The following CST7 variants were observed in gnomAD, a reference collection of about 807,000 sequenced individuals.
The protein encoded by CST7 is cystatin F, also known as cystatin-F.
Under a neutral mutation model 13.1 loss-of-function variants are expected in CST7, and 15 were observed. The ratio of observed to expected loss-of-function variants is 1.14; its 90% confidence interval spans 0.77 to 1.76. The LOEUF (loss-of-function observed/expected upper bound fraction) is 1.76, where lower values mean the gene tolerates loss of function less well. Among genes scored for constraint, CST7 ranks in the 40% most tolerant of loss-of-function variants. The probability of loss-of-function intolerance (pLI) is 0.00; values close to 1 mark genes in which losing one functional copy is unlikely to be tolerated. For missense variants in CST7, 193 were observed against 178.8 expected, an observed-to-expected ratio of 1.08 and a Z score of -0.45; for synonymous variants, 75 against 66.9, an observed-to-expected ratio of 1.12 and a Z score of -0.59.
chr20:24,959,124 A>G, intron 3 of CST7, 80 bp downstream of exon 3: 8 of 1,158,000 alleles, frequency 6.9e-6, no homozygotes, highest in Non-Finnish European at 9.0e-6. Context: ...AAACACCGTC[A>G]CCACGTCTCT....
intron 1 of CST7, among the ~76,000 whole-genome samples, chr20:24,954,123 C>T (rs191914502): frequency 8.3e-4 from 127 of 152,322 alleles, no homozygotes; most frequent in Middle Eastern, 3.4e-3. Context: ...TAGAGTCCAC[C>T]CTGCATCTCC....
rs113415403 is a variant in CST7 at position 24,953,065 on chromosome 20, A to G, written c.70+3490A>G. Among the ~76,000 whole-genome samples, 932 of 152,300 alleles carry G rather than the reference A, an allele frequency of 6.1e-3. 15 individuals carry two copies. The highest frequency in any genetic ancestry group is 0.022 in the African/African-American group (908 of 41,576). On this transcript the variant is annotated intron_variant, in intron 1 of 3. Coordinates refer to ENST00000480798, the MANE Select transcript of CST7 (RefSeq NM_003650.4). ...AGGGCATGCCCAGCAGCTGTCAGAA[A>G]CTGCAGCTCCCTGCTGCCTTGGGCA...
rs1305479462 is a variant in CST7 at position 24,957,450 on chromosome 20, C to G, written c.234C>G (p.Ala78=). ...FLFKESRITR[A]LVQIVKGLKY... is the part of the protein sequence containing the mutation. ...TCAAGGAGTCCCGCATCACAAGGGCCCTAGTTCAGGTAACGGTCTGGGTTC... is the reference window on the plus strand; with the variant it reads ...TCAAGGAGTCCCGCATCACAAGGGCGCTAGTTCAGGTAACGGTCTGGGTTC... Residue 78 remains alanine, a synonymous_variant, in exon 2 of 4, where the codon GCC becomes GCG. Transcript: ENST00000480798. The G allele has an allele frequency of 1.5e-5, 24 of 1,613,298 alleles. No homozygotes were observed. Among genetic ancestry groups the G allele is most frequent in the Non-Finnish European group, 1.9e-5 (23 of 1,179,610 alleles).
chr20:24,952,376 T>C (rs1222047135), intron 1 of CST7, among the ~76,000 whole-genome samples: 1 of 152,174 alleles, frequency 6.6e-6, no homozygotes, highest in African/African-American at 2.4e-5. Context: ...GGGACTGATC[T>C]GGTAGAGCTC....
intron 2 of CST7, 21 bp downstream of exon 2, chr20:24,957,480 C>T: frequency 6.2e-7 from 1 of 1,610,372 alleles, no homozygotes; most frequent in South Asian, 1.1e-5. Context: ...GGGTTCTGGT[C>T]ACATATCACG....
chr20:24,951,314 G>A (rs1307444282), intron 1 of CST7, among the ~76,000 whole-genome samples: 2 of 152,222 alleles, frequency 1.3e-5, no homozygotes, highest in Non-Finnish European at 2.9e-5. Flanking sequence ...GGAAGGCACA[G>A]GCATGGAGGC....
At position 24,958,518 on chromosome 20, in the gene CST7, C is replaced by A. The variant is rs543242090; in HGVS notation, c.244-410C>A. Among the ~76,000 whole-genome samples the A allele has an allele frequency of 2.6e-5, 4 of 152,306 alleles. No homozygotes were observed. In the East Asian group the frequency reaches 7.7e-4, roughly 29 times the overall value. ...CCATATCCAAGTGGAGAAGGGCTGT[C>A]CAGAAACTCAAAACTCCCGACCCCA... On this transcript the variant is annotated intron_variant, in intron 2 of 3. Transcript: ENST00000480798.
At chr20:24,955,057 A>AC (rs1488306967) in intron 1 of CST7, among the ~76,000 whole-genome samples, 2 of 147,714 alleles carry the variant, frequency 1.4e-5, no homozygotes, top group South Asian at 2.1e-4. Flanking sequence ...AACAACAACA[A>AC]AAAAAAACGC....
At chr20:24,955,684 C>T (rs988089888) in intron 1 of CST7, among the ~76,000 whole-genome samples, 1 of 152,144 alleles carries the variant, frequency 6.6e-6, no homozygotes, top group African/African-American at 2.4e-5. Context: ...CTCCTGACCT[C>T]GTGATCTGCC....
chr20:24,959,525 T>C, intron 3 of CST7, 110 bp from the exon 4 acceptor site: 1 of 1,013,902 alleles, frequency 9.9e-7, no homozygotes. Context: ...TTTTTCAAAA[T>C]GAAAAATAGG....
At chr20:24,954,359 G>C (rs1177695944) in intron 1 of CST7, among the ~76,000 whole-genome samples, 2 of 152,192 alleles carry the variant, frequency 1.3e-5, no homozygotes, top group African/African-American at 4.8e-5. Flanking sequence ...GTTGCACGGA[G>C]CAAACCCAGA....
chr20:24,958,846 T>G (rs574306530), intron 2 of CST7, 82 bp from the exon 3 acceptor site: 14 of 1,016,014 alleles, frequency 1.4e-5, no homozygotes, highest in Non-Finnish European at 2.2e-5. Flanking sequence ...CCTGCACCAC[T>G]GTCTTGAGGC....
chr20:24,954,369 A>G (rs1357388978), intron 1 of CST7, among the ~76,000 whole-genome samples: 2 of 152,168 alleles, frequency 1.3e-5, no homozygotes, highest in Non-Finnish European at 2.9e-5. Flanking sequence ...GCAAACCCAG[A>G]GCCCCCTCCC....
intron 1 of CST7, among the ~76,000 whole-genome samples, chr20:24,952,234 T>C (rs141965801): frequency 0.011 from 1,666 of 152,368 alleles, 27 homozygotes; most frequent in South Asian, 0.075. Flanking sequence ...ATTCTCACTG[T>C]CGTCAGCATC....
intron 1 of CST7, among the ~76,000 whole-genome samples, chr20:24,950,730 G>A (rs986716178): frequency 3.3e-5 from 5 of 152,148 alleles, no homozygotes; most frequent in African/African-American, 4.8e-5. Flanking sequence ...CACGCAAGGA[G>A]CCCTCCACCT....
chr20:24,957,066 A>AGGGAGTACAGGTGGGTGGACAGGCGAG (rs2087861785), intron 1 of CST7, among the ~76,000 whole-genome samples: 1 of 6,580 alleles, frequency 1.5e-4, no homozygotes, highest in Non-Finnish European at 3.0e-4. Flanking sequence ...AGAACAGGTG[A>AGGGAGTACAGGTGGGTGGACAGGCGAG]GGGGGCAGGT....
intron 1 of CST7, among the ~76,000 whole-genome samples, chr20:24,953,035 T>C (rs1027149922): frequency 1.3e-5 from 2 of 152,222 alleles, no homozygotes; most frequent in African/African-American, 2.4e-5. Context: ...GAACGTACCC[T>C]GCCCAGGGCA....
chr20:24,949,500 G>A lies in CST7; in HGVS notation c.-6G>A. 1 of 1,614,096 alleles carries A rather than the reference G, an allele frequency of 6.2e-7. No homozygotes were observed. The highest frequency in any genetic ancestry group is 8.5e-7 in the Non-Finnish European group (1 of 1,180,036). Reference sequence around the variant, plus strand: ...ACTGCCCCGCACTGTCCCTACCCGGGCAGCCATGCGAGCGGCTGGAACTCT... The same window carrying A: ...ACTGCCCCGCACTGTCCCTACCCGGACAGCCATGCGAGCGGCTGGAACTCT... On this transcript the variant is annotated 5_prime_UTR_variant, in exon 1 of 4. Transcript: ENST00000480798.
intron 1 of CST7, among the ~76,000 whole-genome samples, chr20:24,951,265 C>T (rs938378815): frequency 1.3e-5 from 2 of 152,206 alleles, no homozygotes; most frequent in Admixed American, 6.5e-5. Context: ...AACTGCACCC[C>T]GTCTCCGGCC....
Sources: gnomAD v4.1 joint callset for allele counts (sites outside exome capture counted in the v4.1 genomes callset) on GRCh38, gnomAD v4.1.1 for gene constraint, MANE v1.5 for transcripts, NCBI Gene and HGNC (gene_info 2026-07-23, HGNC 2026-07-21) for gene names.